SBF2: variants seen among roughly 807,000 people sequenced by gnomAD.
SBF2 encodes the protein myotubularin-related protein 13.
Under a neutral mutation model 225.2 loss-of-function variants are expected in SBF2, and 112 were observed. The observed-to-expected ratio is 0.50, with a 90% confidence interval of 0.43 to 0.58. The LOEUF (loss-of-function observed/expected upper bound fraction) is 0.58, where lower values mean the gene tolerates loss of function less well. SBF2 is among the 20% of genes least tolerant of loss of function. SBF2 has a pLI of 0.00. For synonymous variants in SBF2, 763 were observed against 773.3 expected, an observed-to-expected ratio of 0.99 and a Z score of 0.22; for missense variants, 1,996 against 2,206.2, an observed-to-expected ratio of 0.90 and a Z score of 1.91.
At chr11:10,279,812 G>A (rs914512286) in intron 1 of SBF2, among the ~76,000 whole-genome samples, 64 of 152,112 alleles carry the variant, frequency 4.2e-4, no homozygotes, top group African/African-American at 1.5e-3. Flanking sequence ...ACCACGCCTG[G>A]CTAATTTTGG....
chr11:10,197,193 C>T (rs1957407077), intron 1 of SBF2, among the ~76,000 whole-genome samples: 1 of 151,998 alleles, frequency 6.6e-6, no homozygotes, highest in South Asian at 2.1e-4. Context: ...AAGAAAAGAA[C>T]CTAAATGGGA....
chr11:9,940,877 G>A (rs973264532), intron 16 of SBF2, among the ~76,000 whole-genome samples: 1 of 152,040 alleles, frequency 6.6e-6, no homozygotes, highest in Admixed American at 6.6e-5. Context: ...CAAAGGCAAA[G>A]AGTTTATAGA....
At chr11:9,931,343 C>A (rs1214785300) in intron 16 of SBF2, among the ~76,000 whole-genome samples, 2 of 152,240 alleles carry the variant, frequency 1.3e-5, no homozygotes, top group Non-Finnish European at 2.9e-5. Context: ...CTGGGAGACA[C>A]CTCCCAGTAG....
At position 9,989,544 on chromosome 11, in the gene SBF2, T is replaced by G. The variant is rs1416059950; in HGVS notation, c.1348A>C (p.Lys450Gln). The stretch of plus-strand genomic sequence containing the variant: ...AGTTCCCTGACATGCTTTATCATCT[T>G]CACTGGGTTATTTTCTTCAACTTTA... ...RIKVEENNPV[K>Q]MIKHVRELAE... The change falls in exon 13 of 40, where the codon AAG becomes CAG. Residue 450 changes from lysine to glutamine, a missense_variant. Transcript: ENST00000256190. 1 of 1,611,176 alleles carries G rather than the reference T, an allele frequency of 6.2e-7. No individual in the cohort carries two copies. Among genetic ancestry groups the G allele is most frequent in the Middle Eastern group, 1.7e-4 (1 of 6,048 alleles).
chr11:10,288,352 T>A (rs1368529318), intron 1 of SBF2, among the ~76,000 whole-genome samples: 2 of 152,148 alleles, frequency 1.3e-5, no homozygotes, highest in Non-Finnish European at 2.9e-5. Context: ...ATAGAACAGC[T>A]CAAAGACCCA....
At chr11:10,237,466 C>T (rs1178002007) in intron 1 of SBF2, among the ~76,000 whole-genome samples, 1 of 152,198 alleles carries the variant, frequency 6.6e-6, no homozygotes, top group Non-Finnish European at 1.5e-5. Flanking sequence ...AATAAACTGA[C>T]TATCCCTGGG....
chr11:10,199,399 T>A (rs1320459472), intron 1 of SBF2, among the ~76,000 whole-genome samples: 1 of 151,718 alleles, frequency 6.6e-6, no homozygotes, highest in Non-Finnish European at 1.5e-5. Flanking sequence ...CTTGAAAACT[T>A]GTGAGATTAC....
At chr11:9,997,086 C>T (rs1418511866) in intron 9 of SBF2, among the ~76,000 whole-genome samples, 1 of 152,138 alleles carries the variant, frequency 6.6e-6, no homozygotes, top group Non-Finnish European at 1.5e-5. Flanking sequence ...TAGATACCAC[C>T]ATGATAACAA....
intron 2 of SBF2, among the ~76,000 whole-genome samples, chr11:10,164,731 T>C (rs1052456522): frequency 1.3e-5 from 2 of 152,152 alleles, no homozygotes; most frequent in African/African-American, 2.4e-5. Context: ...CAGCATACAA[T>C]AAATCACAGT....
At chr11:9,947,271 C>T (rs1565044296) in intron 16 of SBF2, among the ~76,000 whole-genome samples, 1 of 152,164 alleles carries the variant, frequency 6.6e-6, no homozygotes, top group Non-Finnish European at 1.5e-5. Flanking sequence ...AGAAAGATCA[C>T]AATGAGCTCA....
chr11:9,999,586 T>C (rs1442219069), intron 8 of SBF2, among the ~76,000 whole-genome samples: 1 of 152,188 alleles, frequency 6.6e-6, no homozygotes, highest in Non-Finnish European at 1.5e-5. Flanking sequence ...CCTCCCGAAG[T>C]GCTAGGATTA....
chr11:9,979,810 CT>C (rs933648882), intron 13 of SBF2, among the ~76,000 whole-genome samples: 3,248 of 137,106 alleles, frequency 0.024, 50 homozygotes, highest in African/African-American at 0.063. Flanking sequence ...TTAAATTCAT[CT>C]TTTTTTTTTT....
intron 16 of SBF2, among the ~76,000 whole-genome samples, chr11:9,901,024 C>T (rs1861681361): frequency 6.6e-6 from 1 of 152,144 alleles, no homozygotes; most frequent in Non-Finnish European, 1.5e-5. Flanking sequence ...AGCCATGACA[C>T]CCAGCCCAAA....
chr11:10,229,052 G>A (rs1021869691), intron 1 of SBF2, among the ~76,000 whole-genome samples: 8 of 151,292 alleles, frequency 5.3e-5, no homozygotes, highest in African/African-American at 1.9e-4. Flanking sequence ...GTCTTGGGAG[G>A]GTGTGTCGAG....
intron 2 of SBF2, among the ~76,000 whole-genome samples, chr11:10,152,348 C>G (rs1036680259): frequency 6.6e-6 from 1 of 150,380 alleles, no homozygotes; most frequent in African/African-American, 2.4e-5. Flanking sequence ...GTCGGGAGTT[C>G]GAGACCAGCC....
intron 16 of SBF2, 47 bp from the exon 17 acceptor site, chr11:9,896,058 A>T (rs1480720714): frequency 1.4e-6 from 2 of 1,433,800 alleles, no homozygotes; most frequent in South Asian, 1.1e-5. Context: ...TTTACCAGAA[A>T]TCACAAATAC....
intron 31 of SBF2, chr11:9,808,398 T>C: frequency 1.7e-6 from 1 of 594,924 alleles, no homozygotes; most frequent in South Asian, 2.0e-5. Flanking sequence ...ACAAGTTTAC[T>C]TTCAGGGAAT....
intron 1 of SBF2, among the ~76,000 whole-genome samples, chr11:10,278,999 C>T (rs565971546): frequency 2.2e-4 from 33 of 148,146 alleles, no homozygotes; most frequent in South Asian, 4.3e-4. Context: ...TTTGGGTGGC[C>T]GAGGTGAAAG....
At chr11:9,932,553 A>G (rs927255444) in intron 16 of SBF2, among the ~76,000 whole-genome samples, 5 of 152,220 alleles carry the variant, frequency 3.3e-5, no homozygotes, top group Admixed American at 2.0e-4. Flanking sequence ...TGAAGGAGAA[A>G]TAAAATCCTT....
Sources: gnomAD v4.1 joint callset for allele counts (sites outside exome capture counted in the v4.1 genomes callset) on GRCh38, gnomAD v4.1.1 for gene constraint, MANE v1.5 for transcripts, NCBI Gene and HGNC (gene_info 2026-07-23, HGNC 2026-07-21) for gene names.